Variants in ETV6 observed in about 807,000 individuals in gnomAD.
ETV6 encodes ETS variant transcription factor 6.
Under a neutral mutation model 51.1 loss-of-function variants are expected in ETV6, and 16 were observed. That is an observed-to-expected ratio of 0.31 (90% confidence interval 0.21 to 0.48). ETV6 has a LOEUF of 0.48. ETV6 is among the 20% of genes least tolerant of loss of function. The pLI, the probability that ETV6 is intolerant of heterozygous loss-of-function variation, is 0.99. For synonymous variants in ETV6, 240 were observed against 224.1 expected (o/e 1.07, Z -0.64); for missense variants, 458 against 594.8 (o/e 0.77, Z 2.39).
rs148372258 is a variant in ETV6 at position 11,895,182 on chromosome 12, C to T, written c.*4136C>T. ...GACCGCAACCACCTGCAAACCAGAA[C>T]GACTCTAGAATTTCCTTCCCCGCCC... On this transcript the variant is annotated 3_prime_UTR_variant, in exon 8 of 8. Coordinates refer to ENST00000396373, the MANE Select transcript of ETV6 (RefSeq NM_001987.5). 163 of 232,298 alleles carry T rather than the reference C, an allele frequency of 7.0e-4. No individual in the cohort carries two copies. Among genetic ancestry groups the T allele is most frequent in the African/African-American group, 3.3e-3 (148 of 45,284 alleles). The allele number at this position is 232,298 out of a possible 1,614,324, so 14.4% of individuals were successfully genotyped here.
chr12:11,816,349 A>G (rs1463976956), intron 2 of ETV6, among the ~76,000 whole-genome samples: 3 of 152,282 alleles, frequency 2.0e-5, no homozygotes, highest in African/African-American at 7.2e-5. Flanking sequence ...GGTTCACACC[A>G]TTCTCCTCCC....
At chr12:11,811,388 G>A (rs1364113828) in intron 2 of ETV6, among the ~76,000 whole-genome samples, 1 of 152,230 alleles carries the variant, frequency 6.6e-6, no homozygotes, top group Non-Finnish European at 1.5e-5. Flanking sequence ...CTGCTTATCT[G>A]TCTGGTTTCA....
intron 1 of ETV6, among the ~76,000 whole-genome samples, chr12:11,712,711 T>G (rs1488674058): frequency 1.3e-5 from 2 of 152,188 alleles, no homozygotes; most frequent in Non-Finnish European, 2.9e-5. Flanking sequence ...ACCCATATTA[T>G]GGAGGGCAAT....
At chr12:11,757,503 G>A (rs377653148) in intron 2 of ETV6, among the ~76,000 whole-genome samples, 6 of 152,050 alleles carry the variant, frequency 3.9e-5, no homozygotes, top group Admixed American at 1.3e-4. Flanking sequence ...AACAAGATGC[G>A]CTCATACTTA....
At chr12:11,857,046 G>A (rs1341975099) in intron 4 of ETV6, among the ~76,000 whole-genome samples, 2 of 152,216 alleles carry the variant, frequency 1.3e-5, no homozygotes. Context: ...CTGTTAAGCA[G>A]CCTGGCACAA....
intron 1 of ETV6, among the ~76,000 whole-genome samples, chr12:11,683,795 T>C (rs769814269): frequency 1.2e-4 from 19 of 152,208 alleles, no homozygotes; most frequent in South Asian, 2.1e-4. Context: ...AAAAATTCCC[T>C]AAAGGGCTCT....
chr12:11,754,662 A>C (rs1444061140), intron 2 of ETV6, among the ~76,000 whole-genome samples: 1 of 152,240 alleles, frequency 6.6e-6, no homozygotes, highest in African/African-American at 2.4e-5. Flanking sequence ...TTCTCATCTG[A>C]GGCATCATTC....
intron 7 of ETV6, among the ~76,000 whole-genome samples, chr12:11,888,557 C>A (rs1040739814): frequency 1.6e-4 from 24 of 152,070 alleles, no homozygotes; most frequent in African/African-American, 5.8e-4. Context: ...TGCCTGCCAC[C>A]ACACCTGACT....
At chr12:11,650,751 AT>A (rs932521227) in intron 1 of ETV6, among the ~76,000 whole-genome samples, 7 of 151,656 alleles carry the variant, frequency 4.6e-5, no homozygotes, top group Non-Finnish European at 8.8e-5. Context: ...TGCACAATGA[AT>A]TTTTTTTTAA....
At position 11,893,972 on chromosome 12, in the gene ETV6, G is replaced by A. The variant is rs980677592; in HGVS notation, c.*2926G>A. The A allele has an allele frequency of 8.1e-5, 18 of 221,266 alleles. No individual in the cohort carries two copies. Among genetic ancestry groups the A allele is most frequent in the Non-Finnish European group, 1.4e-4 (15 of 110,954 alleles). 13.7% of individuals were successfully genotyped at this position (221,266 alleles called of 1,614,324 possible). On this transcript the variant is annotated 3_prime_UTR_variant, in exon 8 of 8. Transcript: ENST00000396373. ...AATCTGTACTACCAATAAGGATTTC[G>A]TAATTCCCCTAACTGCAAATGTCCT...
intron 1 of ETV6, among the ~76,000 whole-genome samples, chr12:11,744,675 T>C (rs990802204): frequency 6.6e-6 from 1 of 152,206 alleles, no homozygotes; most frequent in Non-Finnish European, 1.5e-5. Context: ...CAATCCTCTA[T>C]ATCATGGCAG....
At chr12:11,713,118 T>G (rs1297752532) in intron 1 of ETV6, among the ~76,000 whole-genome samples, 1 of 152,164 alleles carries the variant, frequency 6.6e-6, no homozygotes, top group Non-Finnish European at 1.5e-5. Context: ...CTGATGCCAG[T>G]CAGGATAGAG....
intron 5 of ETV6, among the ~76,000 whole-genome samples, chr12:11,877,354 G>A (rs927799893): frequency 3.3e-5 from 5 of 151,294 alleles, no homozygotes; most frequent in Middle Eastern, 3.4e-3. Flanking sequence ...AGCCTTGACA[G>A]CTAAAAGACC....
chr12:11,758,194 A>G (rs892237913), intron 2 of ETV6, among the ~76,000 whole-genome samples: 2 of 152,226 alleles, frequency 1.3e-5, no homozygotes, highest in Non-Finnish European at 2.9e-5. Flanking sequence ...TGGCTCTATT[A>G]GAGAGATGAT....
At chr12:11,700,671 TAGG>T (rs1366130249) in intron 1 of ETV6, among the ~76,000 whole-genome samples, 3 of 152,214 alleles carry the variant, frequency 2.0e-5, no homozygotes, top group Non-Finnish European at 4.4e-5. Context: ...AAGAAAATCA[TAGG>T]AGAAAATATA....
At chr12:11,659,780 G>A (rs552458326) in intron 1 of ETV6, among the ~76,000 whole-genome samples, 1 of 152,242 alleles carries the variant, frequency 6.6e-6, no homozygotes, top group Admixed American at 6.5e-5. Context: ...TGTTTCCCTG[G>A]TGAAAGTGTG....
chr12:11,782,342 T>C (rs762486879), intron 2 of ETV6, among the ~76,000 whole-genome samples: 6 of 152,212 alleles, frequency 3.9e-5, no homozygotes, highest in Non-Finnish European at 7.4e-5. Context: ...AATCAATGTA[T>C]CTACTCTCGG....
intron 1 of ETV6, among the ~76,000 whole-genome samples, chr12:11,677,186 G>A (rs894690150): frequency 9.9e-5 from 15 of 152,142 alleles, no homozygotes; most frequent in East Asian, 1.9e-4. Flanking sequence ...CAGGAAAAAC[G>A]ATCACAGATC....
chr12:11,658,291 A>G (rs997275720), intron 1 of ETV6, among the ~76,000 whole-genome samples: 1 of 152,134 alleles, frequency 6.6e-6, no homozygotes, highest in African/African-American at 2.4e-5. Flanking sequence ...GCTGGAGTGC[A>G]ATGCCGAGAT....
Sources: allele counts gnomAD v4.1 joint callset (sites outside exome capture counted in the v4.1 genomes callset), GRCh38; gene constraint gnomAD v4.1.1; transcripts MANE v1.5; gene names NCBI Gene and HGNC (gene_info 2026-07-23, HGNC 2026-07-21).